XKR4: variants seen among roughly 807,000 people sequenced by gnomAD.
XKR4 encodes the protein XK-related protein 4.
Under a neutral mutation model 53.9 loss-of-function variants are expected in XKR4, and 12 were observed. The observed-to-expected ratio is 0.22, with a 90% CI of 0.14 to 0.36. The LOEUF (loss-of-function observed/expected upper bound fraction) is 0.36, where lower values mean the gene tolerates loss of function less well. XKR4 is among the 10% of genes least tolerant of loss of function. The pLI, the probability that XKR4 is intolerant of heterozygous loss-of-function variation, is 1.00. For missense variants in XKR4, 799 were observed against 859.5 expected (o/e 0.93, Z 0.88); for synonymous variants, 354 against 362.4 (o/e 0.98, Z 0.26).
intron 1 of XKR4, among the ~76,000 whole-genome samples, chr8:55,221,440 C>T (rs1563486603): frequency 6.6e-6 from 1 of 152,182 alleles, no homozygotes; most frequent in East Asian, 1.9e-4. Flanking sequence ...AGCAGCCCCT[C>T]CCTTGAGAGC....
intron 2 of XKR4, chr8:55,451,683 C>T (rs1585580448): frequency 1.5e-5 from 22 of 1,492,220 alleles, no homozygotes; most frequent in Non-Finnish European, 1.9e-5. Flanking sequence ...TCAGCAGCCC[C>T]GGGTACCTGC....
Position 55,456,946 on chromosome 8 carries a change from TA to T in XKR4, c.1007-66332del, listed in dbSNP as rs1805578498. 2.0e-5 allele frequency among the ~76,000 whole-genome samples: 3 copies of T among 151,648 alleles called. No individual in the cohort carries two copies. In the South Asian group the frequency reaches 6.2e-4, roughly 31 times the overall value. On this transcript the variant is annotated intron_variant, in intron 2 of 2. Coordinates refer to ENST00000327381, the MANE Select transcript of XKR4 (RefSeq NM_052898.2). ...AAAGCTCCACAAACCTCAAATAGGA[TA>T]AACATATCAGAATTCACACCTAGAC...
At chr8:55,515,077 C>G (rs893263337) in intron 2 of XKR4, among the ~76,000 whole-genome samples, 10 of 152,196 alleles carry the variant, frequency 6.6e-5, no homozygotes, top group African/African-American at 2.4e-4. Context: ...CTTCTCCCAA[C>G]AACTTCCTCC....
At chr8:55,342,030 A>G (rs1803556221) in intron 1 of XKR4, among the ~76,000 whole-genome samples, 1 of 151,908 alleles carries the variant, frequency 6.6e-6, no homozygotes, top group Non-Finnish European at 1.5e-5. Flanking sequence ...CTGTCTACTC[A>G]AGATCTCTGC....
At chr8:55,323,215 G>A (rs188577884) in intron 1 of XKR4, among the ~76,000 whole-genome samples, 1 of 152,166 alleles carries the variant, frequency 6.6e-6, no homozygotes, top group East Asian at 1.9e-4. Context: ...TTTATGTGTG[G>A]TAAAATTCAC....
intron 1 of XKR4, among the ~76,000 whole-genome samples, chr8:55,320,230 CAA>C (rs1803185538): frequency 6.6e-6 from 1 of 152,192 alleles, no homozygotes; most frequent in Admixed American, 6.5e-5. Flanking sequence ...TTGGTTCAAA[CAA>C]TGAGTACTTT....
intron 2 of XKR4, among the ~76,000 whole-genome samples, chr8:55,487,874 A>G (rs1806217233): frequency 6.6e-6 from 1 of 152,192 alleles, no homozygotes; most frequent in Admixed American, 6.5e-5. Context: ...TTCACTTCCA[A>G]GTAAAGCCAA....
intron 2 of XKR4, among the ~76,000 whole-genome samples, chr8:55,477,207 G>C (rs116915409): frequency 3.3e-5 from 5 of 152,110 alleles, no homozygotes; most frequent in Non-Finnish European, 7.3e-5. Context: ...CCAGAGGAAC[G>C]AGGCAGCAGC....
At chr8:55,293,816 T>C (rs1039312921) in intron 1 of XKR4, among the ~76,000 whole-genome samples, 4 of 152,218 alleles carry the variant, frequency 2.6e-5, no homozygotes, top group Admixed American at 2.6e-4. Flanking sequence ...ACTCATTCTG[T>C]CATAATTAAT....
intron 2 of XKR4, among the ~76,000 whole-genome samples, chr8:55,379,193 G>A (rs1804196513): frequency 6.6e-6 from 1 of 152,182 alleles, no homozygotes. Context: ...TCTTCTCTCT[G>A]TCAGCTCATC....
chr8:55,476,755 G>T (rs767322502), intron 2 of XKR4, among the ~76,000 whole-genome samples: 109 of 152,092 alleles, frequency 7.2e-4, no homozygotes, highest in Non-Finnish European at 1.1e-3. Context: ...TCCCGCACCT[G>T]GCTCAGAGGG....
At chr8:55,209,375 G>A (rs939049858) in intron 1 of XKR4, among the ~76,000 whole-genome samples, 13 of 152,104 alleles carry the variant, frequency 8.5e-5, no homozygotes, top group South Asian at 2.1e-4. Context: ...TAATCTGCTC[G>A]TCACTTAGAG....
At chr8:55,221,661 C>A (rs534005835) in intron 1 of XKR4, among the ~76,000 whole-genome samples, 1 of 152,334 alleles carries the variant, frequency 6.6e-6, no homozygotes, top group South Asian at 2.1e-4. Context: ...ACCCCCATCG[C>A]TCTCTTCAGC....
At chr8:55,455,083 C>G (rs1563355271) in intron 2 of XKR4, 2 of 689,078 alleles carry the variant, frequency 2.9e-6, no homozygotes, top group Non-Finnish European at 5.3e-6. Flanking sequence ...CTTTCCCACT[C>G]CCGCGCGGGT....
chr8:55,270,938 A>G (rs1563498062), intron 1 of XKR4, among the ~76,000 whole-genome samples: 1 of 152,176 alleles, frequency 6.6e-6, no homozygotes, highest in Admixed American at 6.5e-5. Context: ...GTGAGCTGCA[A>G]TACTTCAACT....
chr8:55,296,094 G>T (rs141463614), intron 1 of XKR4, among the ~76,000 whole-genome samples: 1 of 152,114 alleles, frequency 6.6e-6, no homozygotes, highest in South Asian at 2.1e-4. Context: ...AGGGGTCCAG[G>T]TTCCTTACAT....
chr8:55,126,581 G>C (rs998237988), intron 1 of XKR4, among the ~76,000 whole-genome samples: 1 of 152,292 alleles, frequency 6.6e-6, no homozygotes, highest in African/African-American at 2.4e-5. Flanking sequence ...GGTAGAGGTG[G>C]AATATGATGG....
chr8:55,450,570 A>C lies in XKR4; in HGVS notation c.1007-72711A>C, dbSNP rs866346618. The C allele has an allele frequency of 1.1e-5, 8 of 717,454 alleles. No homozygotes were observed. The South Asian group carries it at 1.2e-4, about 10-fold the overall frequency. 44.4% of individuals were successfully genotyped at this position (717,454 alleles called of 1,614,324 possible). Reference sequence around the variant, plus strand: ...CGGGACACGTGGTGGTAGCCGAGGAACTTGAGATAGAACTGGCTGAACTCA... The same window carrying C: ...CGGGACACGTGGTGGTAGCCGAGGACCTTGAGATAGAACTGGCTGAACTCA... On this transcript the variant is annotated intron_variant, in intron 2 of 2. Transcript: ENST00000327381.
intron 1 of XKR4, among the ~76,000 whole-genome samples, chr8:55,158,206 T>G (rs1432432738): frequency 6.6e-6 from 1 of 152,206 alleles, no homozygotes; most frequent in African/African-American, 2.4e-5. Flanking sequence ...TTCTGACTAG[T>G]GTGAGATGGT....
Sources: gnomAD v4.1 joint callset for allele counts (sites outside exome capture counted in the v4.1 genomes callset) on GRCh38, gnomAD v4.1.1 for gene constraint, MANE v1.5 for transcripts, NCBI Gene and HGNC (gene_info 2026-07-23, HGNC 2026-07-21) for gene names.